The following ZNF568 variants were observed in gnomAD, a reference collection of about 807,000 sequenced individuals.
The protein encoded by ZNF568 is zinc finger protein 568, also known as p53 inhibitor of SCO2 activation.
Under a neutral mutation model 18.1 loss-of-function variants are expected in ZNF568, and 11 were observed. The observed-to-expected ratio is 0.61, with a 90% CI of 0.38 to 1.00. The LOEUF (loss-of-function observed/expected upper bound fraction) is 1.00, where lower values mean the gene tolerates loss of function less well. Among genes scored for constraint, ZNF568 ranks in the 50% least tolerant of loss-of-function variants. The pLI is 0.01. For synonymous variants in ZNF568, 213 were observed against 246.6 expected (o/e 0.86, Z 1.28); for missense variants, 639 against 768.2 (o/e 0.83, Z 1.99).
At chr19:36,926,475 G>A (rs1384274188) in intron 4 of ZNF568, among the ~76,000 whole-genome samples, 1 of 152,114 alleles carries the variant, frequency 6.6e-6, no homozygotes, top group Non-Finnish European at 1.5e-5. Flanking sequence ...AGTGACTTAT[G>A]AAGTGCATGA....
chr19:36,992,510 A>G (rs1385873297), intron 4 of ZNF568, among the ~76,000 whole-genome samples: 3 of 152,154 alleles, frequency 2.0e-5, no homozygotes, highest in African/African-American at 4.8e-5. Flanking sequence ...TTGAAAAAAA[A>G]AGAAAGTAAA....
At chr19:36,985,994 G>A (rs903242832) in intron 2 of ZNF568, among the ~76,000 whole-genome samples, 1 of 152,182 alleles carries the variant, frequency 6.6e-6, no homozygotes, top group African/African-American at 2.4e-5. Flanking sequence ...CTTGAGGCCT[G>A]ATTGAAGGTT....
chr19:36,933,205 G>A lies in ZNF568; in HGVS notation c.136-3541G>A, dbSNP rs138256995. 8.3e-3 allele frequency among the ~76,000 whole-genome samples: 938 copies of A among 113,040 alleles called. 29 individuals carry two copies. The highest frequency in any genetic ancestry group is 0.068 in the East Asian group (263 of 3,864). The allele number at this position is 113,040 out of a possible 152,430, so 74.2% of individuals were successfully genotyped here. A position where few individuals can be genotyped will look rare whatever the true frequency, so the allele number is the denominator to read the frequency against. ...TTTGATCCATTTTGAGTTAACCTTTGTATACGGCATGATCCACCTTCATTC... is the reference window on the plus strand; with the variant it reads ...TTTGATCCATTTTGAGTTAACCTTTATATACGGCATGATCCACCTTCATTC... On this transcript the variant is annotated intron_variant, in intron 4 of 6. Transcript: ENST00000333987.
At chr19:36,997,593 TA>T, downstream of ZNF568, 1 of 1,563,756 alleles carries the variant, frequency 6.4e-7, no homozygotes, top group Non-Finnish European at 8.6e-7. Flanking sequence ...GCTCAGAACT[TA>T]GTTGACACCA....
At chr19:36,928,615 A>C (rs541752433) in intron 4 of ZNF568, among the ~76,000 whole-genome samples, 6 of 152,278 alleles carry the variant, frequency 3.9e-5, no homozygotes, top group African/African-American at 1.4e-4. Flanking sequence ...AAATTATGAT[A>C]TCTAAGTGAT....
intron 6 of ZNF568, among the ~76,000 whole-genome samples, chr19:36,966,897 C>T (rs1402557567): frequency 6.6e-6 from 1 of 152,230 alleles, no homozygotes; most frequent in Non-Finnish European, 1.5e-5. Flanking sequence ...AGACCGTGTG[C>T]TCCAGACCTC....
At chr19:36,974,413 CTTT>C in intron 6 of ZNF568, 2 of 1,535,960 alleles carry the variant, frequency 1.3e-6, no homozygotes, top group Non-Finnish European at 1.7e-6. Flanking sequence ...CCACATCTTT[CTTT>C]AAGAACCCAG....
intron 2 of ZNF568, among the ~76,000 whole-genome samples, chr19:36,988,271 G>GT (rs1208427109): frequency 6.6e-6 from 1 of 152,040 alleles, no homozygotes; most frequent in African/African-American, 2.4e-5. Flanking sequence ...TTTCTTTTCT[G>GT]TTTTTTATTT....
At position 36,950,315 on chromosome 19, in the gene ZNF568, A is replaced by C. The variant is rs1843573551; in HGVS notation, c.1162A>C (p.Lys388Gln). 1 of 1,613,816 alleles carries C rather than the reference A, an allele frequency of 6.2e-7. No homozygotes were observed. The stretch of plus-strand genomic sequence containing the variant: ...ACATATGAGAAGTCACACAGGGGAG[A>C]AACCCTATAAATGTAATAAATGTGG... ...TLHMRSHTGE[K>Q]PYKCNKCGKA... is the part of the protein sequence containing the mutation. The change falls in exon 7 of 7, where the codon AAA (lysine) becomes CAA (glutamine). Residue 388 changes from lysine (K) to glutamine (Q), a missense_variant. Lys to Gln is a moderately conservative substitution (Grantham distance 53, BLOSUM62 1). Coordinates refer to ENST00000333987, the MANE Select transcript of ZNF568 (RefSeq NM_198539.4).
chr19:36,950,513 G>T lies in ZNF568; in HGVS notation c.1360G>T (p.Ala454Ser). The change falls in exon 7 of 7, where the codon GCC becomes TCC. Residue 454 changes from alanine to serine, a missense_variant. Transcript: ENST00000333987. ...KPYECKECGK[A>S]FSRKENLITH... ...CTATGAATGTAAGGAATGTGGAAAA[G>T]CCTTCAGCAGGAAAGAAAATCTCAT... is the stretch of plus-strand genomic sequence containing the variant. The T allele has an allele frequency of 6.2e-7, 1 of 1,614,006 alleles. No individual in the cohort carries two copies. Among genetic ancestry groups the T allele is most frequent in the Non-Finnish European group, 8.5e-7 (1 of 1,179,986 alleles).
chr19:36,956,600 A>G (rs1433118143), downstream of ZNF568, among the ~76,000 whole-genome samples: 2 of 150,710 alleles, frequency 1.3e-5, no homozygotes, highest in Non-Finnish European at 1.5e-5. Flanking sequence ...TTTAAAAAAA[A>G]CTTTTTTTTT....
chr19:36,941,709 AG>A (rs1335547120), intron 6 of ZNF568, among the ~76,000 whole-genome samples: 2 of 152,234 alleles, frequency 1.3e-5, no homozygotes, highest in African/African-American at 4.8e-5. Context: ...AAAAGTAATG[AG>A]AACTTGGGTT....
chr19:36,986,623 T>A (rs1208371060), intron 2 of ZNF568, among the ~76,000 whole-genome samples: 1 of 152,120 alleles, frequency 6.6e-6, no homozygotes, highest in African/African-American at 2.4e-5. Context: ...TTGATTTTCT[T>A]TTTTTCCCCC....
chr19:36,945,720 A>C (rs1278562656), intron 6 of ZNF568, among the ~76,000 whole-genome samples: 3 of 142,410 alleles, frequency 2.1e-5, no homozygotes, highest in African/African-American at 7.8e-5. Flanking sequence ...ACTATATATA[A>C]GGAAATGTGT....
downstream of ZNF568, chr19:36,997,420 G>T: frequency 6.3e-7 from 1 of 1,584,132 alleles, no homozygotes; most frequent in East Asian, 2.3e-5. Flanking sequence ...TTGTAGCACA[G>T]AACTTGTTCG....
chr19:36,943,292 C>T (rs79055342), intron 6 of ZNF568, among the ~76,000 whole-genome samples: 29 of 151,284 alleles, frequency 1.9e-4, no homozygotes, highest in Non-Finnish European at 4.0e-4. Context: ...AGGGTTTTAG[C>T]ACCTATTGAC....
At chr19:36,997,449 T>C, downstream of ZNF568, 1 of 1,589,462 alleles carries the variant, frequency 6.3e-7, no homozygotes, top group Non-Finnish European at 8.5e-7. Flanking sequence ...AAGTTCACAC[T>C]GGGGAGAGAC....
chr19:36,997,773 T>TA, downstream of ZNF568: 2 of 551,158 alleles, frequency 3.6e-6, no homozygotes, highest in Non-Finnish European at 3.1e-6. Context: ...CATACTGATT[T>TA]GGAAAAAAAA....
intron 6 of ZNF568, among the ~76,000 whole-genome samples, chr19:36,964,359 T>C (rs1435779605): frequency 6.6e-6 from 1 of 152,222 alleles, no homozygotes; most frequent in African/African-American, 2.4e-5. Flanking sequence ...TGTTACATAG[T>C]GGACAGTAAC....
Sources: allele counts gnomAD v4.1 joint callset (sites outside exome capture counted in the v4.1 genomes callset), GRCh38; gene constraint gnomAD v4.1.1; transcripts MANE v1.5; gene names NCBI Gene and HGNC (gene_info 2026-07-23, HGNC 2026-07-21).